IRF6: variants seen among roughly 807,000 people sequenced by gnomAD.
The protein encoded by IRF6 is Van der Woude syndrome.
In IRF6, 6 loss-of-function variants were observed where a neutral mutation model predicts 51.4. The ratio of observed to expected loss-of-function variants is 0.12; its 90% CI spans 0.06 to 0.23. IRF6 has a LOEUF of 0.23. Among genes scored for constraint, IRF6 ranks in the 10% least tolerant of loss-of-function variants. The pLI, the probability that IRF6 is intolerant of heterozygous loss-of-function variation, is 1.00. For missense variants in IRF6, 348 were observed against 585.2 expected, an observed-to-expected ratio of 0.59 and a Z score of 4.18; for synonymous variants, 178 against 215.7, an observed-to-expected ratio of 0.83 and a Z score of 1.53.
intron 3 of IRF6, among the ~76,000 whole-genome samples, chr1:209,797,803 T>G (rs1009469675): frequency 1.3e-5 from 2 of 152,338 alleles, no homozygotes. Flanking sequence ...TCTCCCCCAT[T>G]GCTAACAAGT....
Position 209,785,714 on chromosome 1 carries a change from C to T in IRF6, c.*2706G>A, listed in dbSNP as rs555066249. Reference sequence around the variant, plus strand: ...GATTTAGTTCATTCATTTATTCCAGCAACAAATATTTGAGAACACACTGTG... The same window carrying T: ...GATTTAGTTCATTCATTTATTCCAGTAACAAATATTTGAGAACACACTGTG... On this transcript the variant is annotated 3_prime_UTR_variant, in exon 9 of 9. Transcript: ENST00000367021. The T allele has an allele frequency of 6.6e-6, 1 of 152,258 alleles. No individual in the cohort carries two copies. The highest frequency in any genetic ancestry group is 2.4e-5 in the African/African-American group (1 of 41,540). The allele number at this position is 152,258 out of a possible 1,614,324, so 9.4% of individuals were successfully genotyped here. A position where few individuals can be genotyped will look rare whatever the true frequency, so the allele number is the denominator to read the frequency against.
chr1:209,788,754 A>C, intron 8 of IRF6, 110 bp from the exon 9 acceptor site: 1 of 786,738 alleles, frequency 1.3e-6, no homozygotes, highest in East Asian at 2.6e-5. Context: ...GGAAGACCCC[A>C]TTCTGATGTC....
rs2077847607 is a variant in IRF6 at position 209,788,466 on chromosome 1, T to G, written c.1358A>C (p.Gln453Pro). 1 of 1,614,062 alleles carries G rather than the reference T, an allele frequency of 6.2e-7. No individual in the cohort carries two copies. Among genetic ancestry groups the G allele is most frequent in the Non-Finnish European group, 8.5e-7 (1 of 1,180,008 alleles). The change falls in exon 9 of 9, where the codon CAG becomes CCG. Residue 453 changes from glutamine to proline, a missense_variant. Physicochemically the swap from Gln to Pro is moderately conservative, Grantham distance 76 (BLOSUM62 -1). Coordinates refer to ENST00000367021, the MANE Select transcript of IRF6 (RefSeq NM_006147.4). ...LQTQESWQPM[Q>P]PTPSMQLPPA... ...GGGCAGTTGCATGCTGGGGGTGGGCTGCATGGGCTGCCAGCTCTCCTGGGT... is the reference window on the plus strand; with the variant it reads ...GGGCAGTTGCATGCTGGGGGTGGGCGGCATGGGCTGCCAGCTCTCCTGGGT...
At chr1:209,794,419 T>C (rs538156063) in intron 5 of IRF6, among the ~76,000 whole-genome samples, 9 of 152,230 alleles carry the variant, frequency 5.9e-5, no homozygotes, top group Admixed American at 1.3e-4. Flanking sequence ...GGAGGGCCAG[T>C]GGACAGACAA....
chr1:209,799,522 T>G (rs1308894009), intron 3 of IRF6, among the ~76,000 whole-genome samples: 2 of 152,230 alleles, frequency 1.3e-5, no homozygotes, highest in Non-Finnish European at 2.9e-5. Flanking sequence ...GAGCTTGGTA[T>G]CTGTGAAAGC....
Position 209,788,804 on chromosome 1 carries a change from C to G in IRF6, c.1180-160G>C, listed in dbSNP as rs140407832. Among the ~76,000 whole-genome samples the G allele has an allele frequency of 1.1e-3, 168 of 152,358 alleles. No homozygotes were observed. The Middle Eastern group carries it at 0.014, about 12-fold the overall frequency. ...GCCTTCATCTCTCTGGACCATCCTT[C>G]TGCCAAGGCTCACTGTGGAAGTTGG... On this transcript the variant is annotated intron_variant, in intron 8 of 8. Coordinates refer to ENST00000367021, the MANE Select transcript of IRF6 (RefSeq NM_006147.4).
intron 3 of IRF6, among the ~76,000 whole-genome samples, chr1:209,797,423 G>A (rs1181423138): frequency 6.7e-6 from 1 of 149,610 alleles, no homozygotes; most frequent in Non-Finnish European, 1.5e-5. Context: ...GTGCCTTTAG[G>A]AGGGAAGGAA....
At position 209,792,253 on chromosome 1, in the gene IRF6, A is replaced by G. The variant is rs1333411010; in HGVS notation, c.667+16T>C. The G allele has an allele frequency of 1.2e-6, 2 of 1,610,922 alleles. No individual in the cohort carries two copies. The highest frequency in any genetic ancestry group is 1.7e-6 in the Non-Finnish European group (2 of 1,177,006). On this transcript the variant is annotated intron_variant, in intron 6 of 8. Transcript: ENST00000367021. ...AGAAGCAGAAGACCGAGCAAGAAAG[A>G]TAAAGTCTCACTTACTTGGGAGAGA...
Position 209,788,202 on chromosome 1 carries a change from T to C in IRF6, c.*218A>G, listed in dbSNP as rs2077845709. 3.5e-6 allele frequency: 2 copies of C among 576,262 alleles called. No homozygotes were observed. The highest frequency in any genetic ancestry group is 5.9e-5 in the East Asian group (2 of 34,006). 35.7% of individuals were successfully genotyped at this position (576,262 alleles called of 1,614,324 possible). On this transcript the variant is annotated 3_prime_UTR_variant, in exon 9 of 9. Coordinates refer to ENST00000367021, the MANE Select transcript of IRF6 (RefSeq NM_006147.4). ...CCAAATCTCCTTCTACTATGCTATA[T>C]CATACTACCATTAGGAGATTTGAAA...
intron 8 of IRF6, among the ~76,000 whole-genome samples, chr1:209,789,027 T>G (rs2077851634): frequency 1.3e-5 from 2 of 152,234 alleles, no homozygotes; most frequent in South Asian, 4.1e-4. Flanking sequence ...AAGGTTTTTC[T>G]AAGAAAGGCT....
intron 6 of IRF6, 45 bp downstream of exon 6, chr1:209,792,224 T>A: frequency 6.3e-7 from 1 of 1,583,244 alleles, no homozygotes; most frequent in Non-Finnish European, 8.7e-7. Flanking sequence ...AAAGAGTCTA[T>A]AATAGAAGCA....
intron 1 of IRF6, among the ~76,000 whole-genome samples, chr1:209,802,751 C>A (rs898972479): frequency 1.3e-5 from 2 of 152,150 alleles, no homozygotes; most frequent in African/African-American, 4.8e-5. Context: ...AGTTCTGAAA[C>A]CAAACAACCT....
At chr1:209,800,038 T>A (rs1335047484) in intron 3 of IRF6, among the ~76,000 whole-genome samples, 2 of 152,148 alleles carry the variant, frequency 1.3e-5, no homozygotes, top group Non-Finnish European at 2.9e-5. Flanking sequence ...AAAGCATGAA[T>A]CTTGAGAGAC....
intron 1 of IRF6, among the ~76,000 whole-genome samples, chr1:209,805,322 T>C (rs552770567): frequency 1.3e-5 from 2 of 151,700 alleles, no homozygotes; most frequent in Admixed American, 6.6e-5. Flanking sequence ...CTTTCCCCAT[T>C]CTCCACACCA....
intron 3 of IRF6, among the ~76,000 whole-genome samples, chr1:209,799,743 C>G (rs1453560348): frequency 1.3e-5 from 2 of 152,374 alleles, no homozygotes; most frequent in East Asian, 3.9e-4. Context: ...CACAAGAGGC[C>G]AAATGGGCCA....
At position 209,789,662 on chromosome 1, in the gene IRF6, C is replaced by T; in HGVS notation, c.1179+5G>A. On this transcript the variant is annotated splice_donor_5th_base_variant and intron_variant, in intron 8 of 8. Coordinates refer to ENST00000367021, the MANE Select transcript of IRF6 (RefSeq NM_006147.4). The stretch of plus-strand genomic sequence containing the variant: ...AGAGTTGTTGACACAGCCTTATCTT[C>T]TCACCTGAACCAAGATGAGTTTCCT... The T allele has an allele frequency of 6.3e-7, 1 of 1,598,560 alleles. No homozygotes were observed.
intron 3 of IRF6, among the ~76,000 whole-genome samples, chr1:209,797,381 A>G (rs1189764540): frequency 6.7e-6 from 1 of 149,122 alleles, no homozygotes; most frequent in African/African-American, 2.5e-5. Context: ...AAAAAAAAAA[A>G]AAAAAAAAAA....
chr1:209,802,339 C>T (rs561216855), intron 1 of IRF6, among the ~76,000 whole-genome samples: 3 of 152,304 alleles, frequency 2.0e-5, no homozygotes, highest in Non-Finnish European at 4.4e-5. Context: ...TGGGTAAAGT[C>T]TGCAATTGAT....
Position 209,792,320 on chromosome 1 carries a change from G to A in IRF6, c.616C>T (p.Pro206Ser). ...GGAGAGCTATAGAAGGGCTGTATAG[G>A]TGCCTGGGGTACTTCCATCTCCAGG... ...EPLEMEVPQA[P>S]IQPFYSSPEL... Residue 206 changes from proline (P) to serine (S), a missense_variant, in exon 6 of 9, where the codon CCT becomes TCT. Around this residue, in one of 5 missense-constraint regions of IRF6, gnomAD observed 124 missense variants for 141.6 expected, o/e 0.88. Transcript: ENST00000367021. The A allele has an allele frequency of 1.2e-6, 2 of 1,614,184 alleles. No homozygotes were observed. Among genetic ancestry groups the A allele is most frequent in the Non-Finnish European group, 1.7e-6 (2 of 1,179,974 alleles).
Sources: gnomAD v4.1 joint callset for allele counts (sites outside exome capture counted in the v4.1 genomes callset) on GRCh38, gnomAD v4.1.1 for gene constraint, gnomAD v4.1.1 regional missense constraint, MANE v1.5 for transcripts, NCBI Gene and HGNC (gene_info 2026-07-23, HGNC 2026-07-21) for gene names.